PDLIM5: variants seen among roughly 807,000 people sequenced by gnomAD.
The protein encoded by PDLIM5 is PDZ and LIM domain protein 5.
Under a neutral mutation model 64.2 loss-of-function variants are expected in PDLIM5, and 34 were observed. That is an observed-to-expected ratio of 0.53 (90% CI 0.40 to 0.71). PDLIM5 has a LOEUF of 0.71. PDLIM5 is among the 30% of genes least tolerant of loss of function. PDLIM5 has a pLI of 0.00. For synonymous variants in PDLIM5, 253 were observed against 269.1 expected (o/e 0.94, Z 0.59); for missense variants, 683 against 733.6 (o/e 0.93, Z 0.80).
At chr4:94,513,429 A>G (rs1440994509) in intron 2 of PDLIM5, among the ~76,000 whole-genome samples, 1 of 152,078 alleles carries the variant, frequency 6.6e-6, no homozygotes, top group African/African-American at 2.4e-5. Context: ...TATAGTTTTC[A>G]TTGTAGAGAT....
chr4:94,496,511 A>G (rs1727410327), intron 2 of PDLIM5, among the ~76,000 whole-genome samples: 1 of 152,126 alleles, frequency 6.6e-6, no homozygotes, highest in South Asian at 2.1e-4. Flanking sequence ...TAATTAAGAG[A>G]CACAGTCTCA....
At chr4:94,494,432 G>GTTTTTTTTTTTTTTTTTTTTT (rs61675663) in intron 2 of PDLIM5, among the ~76,000 whole-genome samples, 6 of 70,770 alleles carry the variant, frequency 8.5e-5, no homozygotes, top group Non-Finnish European at 1.4e-4. Flanking sequence ...TTTTTTTCTT[G>GTTTTTTTTTTTTTTTTTTTTT]TTTTTTTTTT....
chr4:94,603,524 A>G (rs1468088494), intron 7 of PDLIM5, among the ~76,000 whole-genome samples: 1 of 152,106 alleles, frequency 6.6e-6, no homozygotes. Flanking sequence ...TGCCAAGAGA[A>G]TGACTCAGAC....
intron 7 of PDLIM5, among the ~76,000 whole-genome samples, chr4:94,601,787 T>A (rs1737522454): frequency 6.6e-6 from 1 of 152,154 alleles, no homozygotes; most frequent in South Asian, 2.1e-4. Flanking sequence ...CAAAGACTAT[T>A]GAAAACCAAT....
At chr4:94,533,321 A>T (rs551836699) in intron 3 of PDLIM5, among the ~76,000 whole-genome samples, 2 of 152,242 alleles carry the variant, frequency 1.3e-5, no homozygotes, top group Admixed American at 1.3e-4. Flanking sequence ...TGAAAGTCTT[A>T]TTTATTTCTC....
intron 9 of PDLIM5, among the ~76,000 whole-genome samples, chr4:94,652,418 G>A (rs1560766910): frequency 6.6e-6 from 1 of 152,214 alleles, no homozygotes; most frequent in Non-Finnish European, 1.5e-5. Context: ...TTTCATGCGT[G>A]TATAACCAGT....
intron 2 of PDLIM5, among the ~76,000 whole-genome samples, chr4:94,471,172 A>G (rs112114675): frequency 9.2e-5 from 14 of 152,346 alleles, no homozygotes; most frequent in Non-Finnish European, 1.9e-4. Context: ...GCCAAACCAT[A>G]TCAATATTCA....
intron 7 of PDLIM5, chr4:94,610,255 C>A (rs1207911702): frequency 1.3e-6 from 2 of 1,513,964 alleles, no homozygotes; most frequent in East Asian, 4.9e-5. Context: ...TGCTGCAGTT[C>A]TGAGCAGCGC....
chr4:94,574,659 C>T (rs953240661), intron 4 of PDLIM5, among the ~76,000 whole-genome samples: 3 of 152,164 alleles, frequency 2.0e-5, no homozygotes, highest in African/African-American at 7.2e-5. Flanking sequence ...CGCTCTACCT[C>T]TGAGCTATCC....
intron 12 of PDLIM5, among the ~76,000 whole-genome samples, chr4:94,662,795 T>C (rs1193956892): frequency 2.0e-5 from 3 of 147,572 alleles, no homozygotes; most frequent in African/African-American, 7.7e-5. Flanking sequence ...AAGCTATGTA[T>C]TTCTTAAAAC....
At chr4:94,571,264 G>T (rs1399885653) in intron 3 of PDLIM5, among the ~76,000 whole-genome samples, 2 of 152,156 alleles carry the variant, frequency 1.3e-5, no homozygotes, top group African/African-American at 2.4e-5. Context: ...TGTTCAGGTA[G>T]AGGTTCTGAA....
chr4:94,606,988 AAGAC>A, intron 7 of PDLIM5, among the ~76,000 whole-genome samples: 1 of 152,366 alleles, frequency 6.6e-6, no homozygotes, highest in South Asian at 2.1e-4. Context: ...AGGCCATACA[AAGAC>A]AGGCAGGGCC....
At position 94,665,517 on chromosome 4, in the gene PDLIM5, G is replaced by GTT; in HGVS notation, c.*1450_*1451insTT. The GTT allele has an allele frequency of 2.9e-6, 2 of 696,782 alleles. No individual in the cohort carries two copies. Among genetic ancestry groups the GTT allele is most frequent in the Non-Finnish European group, 3.4e-6 (2 of 584,406 alleles). The allele number at this position is 696,782 out of a possible 1,614,324, so 43.2% of individuals were successfully genotyped here. ...AAAAAAAAAAAAAAAGAGAGAGAGA[G>GTT]AATAAATAGAAAAGAATGTGGCTGG... is the stretch of plus-strand genomic sequence containing the variant. On this transcript the variant is annotated 3_prime_UTR_variant, in exon 13 of 13. Coordinates refer to ENST00000317968, the MANE Select transcript of PDLIM5 (RefSeq NM_006457.5).
At chr4:94,498,264 C>T (rs1727584963) in intron 2 of PDLIM5, among the ~76,000 whole-genome samples, 1 of 152,130 alleles carries the variant, frequency 6.6e-6, no homozygotes, top group African/African-American at 2.4e-5. Context: ...GTCTTTCACC[C>T]ATGGCTGAAA....
Position 94,488,162 on chromosome 4 carries a change from G to A in PDLIM5, c.96+32778G>A, listed in dbSNP as rs182550692. Among the ~76,000 whole-genome samples, 86 of 152,212 alleles carry A rather than the reference G, an allele frequency of 5.7e-4. 1 individual carries two copies. The highest frequency in any genetic ancestry group is 6.8e-4 in the Non-Finnish European group (46 of 68,028). The stretch of plus-strand genomic sequence containing the variant: ...GATGCAGTCCAGCTTGCTGAATGGC[G>A]GTTCTGCATGTGAAATCAACATTTA... On this transcript the variant is annotated intron_variant, in intron 2 of 12. Transcript: ENST00000317968.
At position 94,660,795 on chromosome 4, in the gene PDLIM5, T is replaced by G. The variant is rs565688984; in HGVS notation, c.1586-1627T>G. ...GCCTTCCTCTCCAGCTGAGGTTGGA[T>G]TGACAATGTCAAAGGCCAAAGGGTG... On this transcript the variant is annotated intron_variant, in intron 11 of 12. Transcript: ENST00000317968. Among the ~76,000 whole-genome samples, 26 of 152,194 alleles carry G rather than the reference T, an allele frequency of 1.7e-4. No homozygotes were observed. In the South Asian group the frequency reaches 5.0e-3, roughly 29 times the overall value.
intron 2 of PDLIM5, among the ~76,000 whole-genome samples, chr4:94,482,260 C>T (rs1302231798): frequency 6.6e-6 from 1 of 151,954 alleles, no homozygotes. Flanking sequence ...GCCTTGAACT[C>T]CTGGGGCTCA....
At chr4:94,587,341 T>C (rs1446927187) in intron 7 of PDLIM5, 11 of 1,248,220 alleles carry the variant, frequency 8.8e-6, no homozygotes, top group Admixed American at 4.5e-5. Context: ...TTTGTATCTG[T>C]TTTTGTTGTG....
At chr4:94,659,990 G>A (rs1345832295) in intron 11 of PDLIM5, among the ~76,000 whole-genome samples, 1 of 149,376 alleles carries the variant, frequency 6.7e-6, no homozygotes, top group Non-Finnish European at 1.5e-5. Context: ...TCCACCTCCC[G>A]GGTTCAGGCG....
Sources: gnomAD v4.1 joint callset for allele counts (sites outside exome capture counted in the v4.1 genomes callset) on GRCh38, gnomAD v4.1.1 for gene constraint, MANE v1.5 for transcripts, NCBI Gene and HGNC (gene_info 2026-07-23, HGNC 2026-07-21) for gene names.